Variants in PPIP5K1 observed in about 807,000 individuals in gnomAD.
PPIP5K1 encodes inositol hexakisphosphate and diphosphoinositol-pentakisphosphate kinase 1.
A neutral mutation model predicts 27.7 loss-of-function variants in PPIP5K1; 6 were observed. That is an observed-to-expected ratio of 0.22 (90% CI 0.12 to 0.43). PPIP5K1 has a LOEUF of 0.43. Ranked by LOEUF, PPIP5K1 falls within the 20% of genes least tolerant of loss-of-function variation. The pLI, the probability that PPIP5K1 is intolerant of heterozygous loss-of-function variation, is 1.00. For synonymous variants in PPIP5K1, 145 were observed against 242.6 expected, an observed-to-expected ratio of 0.60 and a Z score of 3.74; for missense variants, 394 against 635.4, an observed-to-expected ratio of 0.62 and a Z score of 4.08.
At chr15:43,559,425 T>C (rs1047491835) in intron 29 of PPIP5K1, among the ~76,000 whole-genome samples, 1 of 152,106 alleles carries the variant, frequency 6.6e-6, no homozygotes. Flanking sequence ...CATGCAAATT[T>C]AGGATGTCGG....
intron 30 of PPIP5K1, among the ~76,000 whole-genome samples, chr15:43,553,577 A>T (rs1356796388): frequency 6.6e-6 from 1 of 151,472 alleles, no homozygotes; most frequent in Non-Finnish European, 1.5e-5. Flanking sequence ...TCCTGGGCTT[A>T]AGCGACACTC....
At position 43,538,011 on chromosome 15, in the gene PPIP5K1, G is replaced by T. The variant is rs560726732; in HGVS notation, c.3670+1459C>A. ...GAAGGGTAAGATTTCCAGGGGCACA[G>T]AAATCATAAACACTCCAGGAAACAG... On this transcript the variant is annotated intron_variant, in intron 31 of 31. Coordinates refer to ENST00000420765, the MANE Select transcript of PPIP5K1 (RefSeq NM_001394395.1). Among the ~76,000 whole-genome samples the T allele has an allele frequency of 3.9e-5, 6 of 152,174 alleles. No individual in the cohort carries two copies. The East Asian group carries it at 1.2e-3, about 29-fold the overall frequency.
At chr15:43,552,725 G>A (rs2140932793) in intron 30 of PPIP5K1, among the ~76,000 whole-genome samples, 1 of 148,880 alleles carries the variant, frequency 6.7e-6, no homozygotes, top group East Asian at 2.0e-4. Flanking sequence ...AAAAAAGTAT[G>A]TTGTTTCACC....
At chr15:43,546,408 C>T (rs936514635) in intron 30 of PPIP5K1, among the ~76,000 whole-genome samples, 1 of 152,076 alleles carries the variant, frequency 6.6e-6, no homozygotes, top group Admixed American at 6.5e-5. Context: ...GTGATCCTCC[C>T]GCCTCAGCCT....
intron 30 of PPIP5K1, 27 bp downstream of exon 30, chr15:43,558,768 A>C: frequency 1.9e-6 from 3 of 1,612,248 alleles, no homozygotes; most frequent in Non-Finnish European, 2.5e-6. Flanking sequence ...GGCAGAGAGA[A>C]GGGTAAAAAA....
At chr15:43,556,122 A>G (rs2082901929) in intron 30 of PPIP5K1, among the ~76,000 whole-genome samples, 1 of 152,078 alleles carries the variant, frequency 6.6e-6, no homozygotes, top group Non-Finnish European at 1.5e-5. Context: ...GATTAAGACC[A>G]TCCTGGCCAA....
chr15:43,586,949 G>GAA (rs142099435), intron 1 of PPIP5K1, among the ~76,000 whole-genome samples: 7 of 77,922 alleles, frequency 9.0e-5, no homozygotes, highest in African/African-American at 2.0e-4. Context: ...GAGCTACAGT[G>GAA]AAAAAAAAAA....
chr15:43,539,988 C>T (rs1595709293), intron 30 of PPIP5K1, among the ~76,000 whole-genome samples: 3 of 152,196 alleles, frequency 2.0e-5, no homozygotes, highest in Admixed American at 2.0e-4. Flanking sequence ...TGCAGTGGCT[C>T]ATGCCTGTAA....
intron 30 of PPIP5K1, among the ~76,000 whole-genome samples, chr15:43,547,880 G>A (rs917496327): frequency 1.3e-5 from 2 of 152,102 alleles, no homozygotes; most frequent in Non-Finnish European, 2.9e-5. Context: ...TTCCATTTCT[G>A]AAGAAAAGAC....
intron 30 of PPIP5K1, among the ~76,000 whole-genome samples, chr15:43,545,005 C>T (rs995187047): frequency 2.6e-5 from 4 of 151,782 alleles, no homozygotes; most frequent in African/African-American, 9.7e-5. Flanking sequence ...AGTGAAACCC[C>T]GTCCCTACTA....
chr15:43,545,179 TA>T (rs60345631), intron 30 of PPIP5K1, among the ~76,000 whole-genome samples: 4,098 of 106,328 alleles, frequency 0.039, 146 homozygotes, highest in African/African-American at 0.12. Context: ...GTCCGTCTCA[TA>T]AAAAAAAAAA....
chr15:43,559,759 CT>C (rs2083542566), intron 29 of PPIP5K1, among the ~76,000 whole-genome samples: 1 of 151,186 alleles, frequency 6.6e-6, no homozygotes, highest in African/African-American at 2.5e-5. Context: ...ATACTAGGGA[CT>C]GGTGATGGAA....
chr15:43,552,216 A>G (rs1001543951), intron 30 of PPIP5K1, among the ~76,000 whole-genome samples: 4 of 152,046 alleles, frequency 2.6e-5, no homozygotes, highest in Non-Finnish European at 4.4e-5. Flanking sequence ...TGGCCTCCCA[A>G]AGTGTTGAGA....
chr15:43,551,820 G>T (rs565372075), intron 30 of PPIP5K1, among the ~76,000 whole-genome samples: 26 of 151,922 alleles, frequency 1.7e-4, no homozygotes, highest in South Asian at 4.1e-4. Flanking sequence ...AGCCGGGATA[G>T]TCTCGATCTC....
intron 30 of PPIP5K1, among the ~76,000 whole-genome samples, chr15:43,554,240 G>A (rs1021448556): frequency 2.6e-5 from 4 of 152,114 alleles, no homozygotes; most frequent in East Asian, 1.9e-4. Context: ...TTGGGGCTCC[G>A]TTATTTGGTA....
intron 30 of PPIP5K1, among the ~76,000 whole-genome samples, chr15:43,542,302 G>A (rs1489075380): frequency 2.0e-4 from 3 of 14,926 alleles, no homozygotes; most frequent in East Asian, 1.5e-3. Context: ...TAATTTTGGC[G>A]GGGGGGGGGG....
At chr15:43,539,333 A>G in intron 31 of PPIP5K1, 137 bp downstream of exon 31, 6 of 684,806 alleles carry the variant, frequency 8.8e-6, no homozygotes, top group Non-Finnish European at 1.3e-5. Flanking sequence ...GAAATGGCAG[A>G]TGAGACTGCT....
intron 31 of PPIP5K1, chr15:43,536,089 TAGAA>T: frequency 7.8e-7 from 1 of 1,285,720 alleles, no homozygotes; most frequent in Non-Finnish European, 1.0e-6. Flanking sequence ...CAGAAGAATG[TAGAA>T]AAACCATGTA....
chr15:43,541,864 C>T (rs976129171), intron 30 of PPIP5K1, among the ~76,000 whole-genome samples: 27 of 152,122 alleles, frequency 1.8e-4, no homozygotes, highest in African/African-American at 6.3e-4. Context: ...CTTGTATTTC[C>T]TATTAACTGG....
Sources: gnomAD v4.1 joint callset for allele counts (sites outside exome capture counted in the v4.1 genomes callset) on GRCh38, gnomAD v4.1.1 for gene constraint, MANE v1.5 for transcripts, NCBI Gene and HGNC (gene_info 2026-07-23, HGNC 2026-07-21) for gene names.